Variants in ATXN7 observed in about 807,000 individuals in gnomAD.
ATXN7 encodes ataxin 7.
ATXN7 carries 12 observed loss-of-function variants against 70.5 expected under a neutral mutation model. The observed-to-expected ratio is 0.17, with a 90% CI of 0.11 to 0.28. ATXN7 has a LOEUF of 0.28. Among genes scored for constraint, ATXN7 ranks in the 10% least tolerant of loss-of-function variants. The pLI is 1.00. For synonymous variants in ATXN7, 498 were observed against 448.7 expected, an observed-to-expected ratio of 1.11 and a Z score of -1.39; for missense variants, 1,256 against 1,131.7, an observed-to-expected ratio of 1.11 and a Z score of -1.58.
In ATXN7 at chr3:63,988,290, A is replaced by T. The variant is rs754133408; in HGVS notation, c.1327A>T (p.Ser443Cys). 2.5e-6 allele frequency: 4 copies of T among 1,614,116 alleles called. No individual in the cohort carries two copies. The highest frequency in any genetic ancestry group is 3.4e-6 in the Non-Finnish European group (4 of 1,180,030). ...IPSESKPFVA[S>C]KPKPHTPSLP... ...TTCCGAATCAAAGCCTTTTGTAGCT[A>T]GTAAACCTAAACCTCACACCCCCAG... is the stretch of plus-strand genomic sequence containing the variant. Residue 443 changes from serine (S) to cysteine (C), a missense_variant, in exon 9 of 13, where the codon AGT becomes TGT. By Grantham distance (112) the Ser-to-Cys change is moderately radical. Transcript: ENST00000674280.
chr3:63,962,307 C>A (rs938188317), intron 5 of ATXN7, among the ~76,000 whole-genome samples: 2 of 152,002 alleles, frequency 1.3e-5, no homozygotes. Flanking sequence ...ATATAGAGTT[C>A]TTGGTTTGTA....
intron 4 of ATXN7, among the ~76,000 whole-genome samples, chr3:63,921,061 A>T (rs1031587309): frequency 3.3e-5 from 5 of 152,222 alleles, no homozygotes; most frequent in Non-Finnish European, 7.3e-5. Flanking sequence ...TACAGCAGGG[A>T]TTATAATAAA....
intron 11 of ATXN7, among the ~76,000 whole-genome samples, chr3:63,994,042 C>G (rs1452568700): frequency 6.6e-6 from 1 of 152,150 alleles, no homozygotes; most frequent in African/African-American, 2.4e-5. Context: ...TCAATCTTGG[C>G]TCCACATTAG....
rs3733126 is a variant in ATXN7, at chr3:64,002,495, C to T, written c.*3028C>T. On this transcript the variant is annotated 3_prime_UTR_variant, in exon 13 of 13. Coordinates refer to ENST00000674280, the MANE Select transcript of ATXN7 (RefSeq NM_001377405.1). Reference sequence around the variant, plus strand: ...GTATTTTATGTGTGGGAGTATGTGACTGCGTGTGTGTGTGCCTGTGCGTGT... The same window carrying T: ...GTATTTTATGTGTGGGAGTATGTGATTGCGTGTGTGTGTGCCTGTGCGTGT... 26,665 of 151,908 alleles carry T rather than the reference C, an allele frequency of 0.18. 2,431 individuals carry two copies. Among genetic ancestry groups the T allele is most frequent in the African/African-American group, 0.21 (8,571 of 41,416 alleles). 9.4% of individuals were successfully genotyped at this position (151,908 alleles called of 1,614,324 possible).
chr3:63,926,273 C>T (rs1363701645), intron 4 of ATXN7, among the ~76,000 whole-genome samples: 1 of 152,088 alleles, frequency 6.6e-6, no homozygotes, highest in African/African-American at 2.4e-5. Context: ...CAGGCAACAA[C>T]AACGAGTTAA....
intron 12 of ATXN7, chr3:63,997,592 A>C: frequency 6.5e-7 from 1 of 1,532,600 alleles, no homozygotes; most frequent in Non-Finnish European, 8.9e-7. Context: ...CTTCCAGCTC[A>C]TCTCTCATCT....
chr3:63,952,497 C>T lies in ATXN7; in HGVS notation c.499+14C>T, dbSNP rs752446278. ...AATCACATTATGGTAAGTGCTTAAC[C>T]ATTTAAAAAATTGTTAATAGAAGGT... is the stretch of plus-strand genomic sequence containing the variant. On this transcript the variant is annotated intron_variant, in intron 5 of 12. Transcript: ENST00000674280. 3.2e-5 allele frequency: 50 copies of T among 1,557,238 alleles called. No homozygotes were observed. Among genetic ancestry groups the T allele is most frequent in the Non-Finnish European group, 3.8e-5 (44 of 1,143,012 alleles).
At chr3:63,953,481 C>T (rs1429511689) in intron 5 of ATXN7, among the ~76,000 whole-genome samples, 1 of 151,972 alleles carries the variant, frequency 6.6e-6, no homozygotes, top group East Asian at 1.9e-4. Flanking sequence ...CTTGGGAGCA[C>T]TGGAGGATTT....
chr3:63,980,357 G>C (rs2075465297), intron 6 of ATXN7, 190 bp downstream of exon 6: 3 of 718,464 alleles, frequency 4.2e-6, no homozygotes, highest in Non-Finnish European at 6.7e-6. Context: ...AGTAATAGCA[G>C]TGATAATAAG....
intron 5 of ATXN7, among the ~76,000 whole-genome samples, chr3:63,976,604 T>C (rs1325018461): frequency 6.6e-6 from 1 of 152,204 alleles, no homozygotes; most frequent in African/African-American, 2.4e-5. Flanking sequence ...GAATTCCATA[T>C]TAAGAGTTAA....
chr3:63,965,131 G>C (rs914883754), intron 5 of ATXN7, among the ~76,000 whole-genome samples: 1 of 152,148 alleles, frequency 6.6e-6, no homozygotes, highest in Admixed American at 6.5e-5. Flanking sequence ...TTCTATAATA[G>C]AAACCTCAGT....
At position 64,000,145 on chromosome 3, in the gene ATXN7, T is replaced by C. The variant is rs1048454276; in HGVS notation, c.*678T>C. On this transcript the variant is annotated 3_prime_UTR_variant, in exon 13 of 13. Coordinates refer to ENST00000674280, the MANE Select transcript of ATXN7 (RefSeq NM_001377405.1). ...TCTAACTTACAAACTGGTTTGAAAT[T>C]TTTGATGCCCAGACAGCAAGTATAA... is the stretch of plus-strand genomic sequence containing the variant. 6.6e-6 allele frequency: 1 copy of C among 152,572 alleles called. No individual in the cohort carries two copies. Among genetic ancestry groups the C allele is most frequent in the Non-Finnish European group, 1.5e-5 (1 of 68,038 alleles). The allele number at this position is 152,572 out of a possible 1,614,324, so 9.5% of individuals were successfully genotyped here.
chr3:63,923,552 A>G (rs1231466762), intron 4 of ATXN7, among the ~76,000 whole-genome samples: 1 of 152,204 alleles, frequency 6.6e-6, no homozygotes, highest in African/African-American at 2.4e-5. Context: ...CACACTTGTA[A>G]TCCTAGCACT....
At chr3:63,880,523 A>T (rs1559618441) in intron 1 of ATXN7, among the ~76,000 whole-genome samples, 1 of 152,190 alleles carries the variant, frequency 6.6e-6, no homozygotes, top group Non-Finnish European at 1.5e-5. Context: ...CAGATCTTTC[A>T]GTGGTCCTCT....
In ATXN7 at chr3:63,895,695, CTCTT is replaced by C. The variant is rs550051658; in HGVS notation, c.-110-2691_-110-2688del. On this transcript the variant is annotated intron_variant, in intron 1 of 12. Transcript: ENST00000674280. ...ACACTCCCAGGCAGAGATTCTCTCTCTCTTTCTTTCTTTCTTCCTTCCTTTCTTC... is the reference window on the plus strand; with the variant it reads ...ACACTCCCAGGCAGAGATTCTCTCTCTCTTTCTTTCTTCCTTCCTTTCTTC... Among the ~76,000 whole-genome samples the C allele has an allele frequency of 2.8e-3, 421 of 152,180 alleles. 2 individuals are homozygous for C. Among genetic ancestry groups the C allele is most frequent in the African/African-American group, 9.3e-3 (386 of 41,522 alleles).
intron 5 of ATXN7, among the ~76,000 whole-genome samples, chr3:63,968,802 A>G (rs1178934555): frequency 6.6e-6 from 1 of 152,188 alleles, no homozygotes; most frequent in Non-Finnish European, 1.5e-5. Flanking sequence ...TCATGCGGGA[A>G]GTGAGGTGTC....
At chr3:63,979,226 G>A (rs1253196832) in intron 5 of ATXN7, among the ~76,000 whole-genome samples, 1 of 152,148 alleles carries the variant, frequency 6.6e-6, no homozygotes, top group East Asian at 1.9e-4. Context: ...AAAAACAGGC[G>A]TAGCTATTTG....
At chr3:63,949,672 ACAGGCATGAG>A (rs1559643175) in intron 4 of ATXN7, among the ~76,000 whole-genome samples, 1 of 152,202 alleles carries the variant, frequency 6.6e-6, no homozygotes, top group Non-Finnish European at 1.5e-5. Flanking sequence ...TGCTGGAATT[ACAGGCATGAG>A]CCACCGCGCC....
At chr3:63,990,027 C>A in intron 9 of ATXN7, 149 bp from the exon 10 acceptor site, 1 of 683,442 alleles carries the variant, frequency 1.5e-6, no homozygotes, top group Non-Finnish European at 2.4e-6. Context: ...TACTCCCAAG[C>A]CACCTGGATC....
Sources: allele counts gnomAD v4.1 joint callset (sites outside exome capture counted in the v4.1 genomes callset), GRCh38; gene constraint gnomAD v4.1.1; transcripts MANE v1.5; gene names NCBI Gene and HGNC (gene_info 2026-07-23, HGNC 2026-07-21).